Variants in DRICH1 observed in about 807,000 individuals in gnomAD.
The protein encoded by DRICH1 is aspartate rich 1, also known as aspartate-rich protein 1.
In DRICH1, 38 loss-of-function variants were observed where a neutral mutation model predicts 39.5. That is an observed-to-expected ratio of 0.96 (90% CI 0.74 to 1.26). The LOEUF is 1.26. Among genes scored for constraint, DRICH1 ranks in the 50% most tolerant of loss-of-function variants. The pLI, the probability that DRICH1 is intolerant of heterozygous loss-of-function variation, is 0.00. For missense variants in DRICH1, 279 were observed against 270.4 expected (o/e 1.03, Z -0.22); for synonymous variants, 84 against 99.5 (o/e 0.84, Z 0.93).
chr22:23,631,707 A>G (rs2330573), intron 1 of DRICH1, 109 bp downstream of exon 1: 564,990 of 925,746 alleles, frequency 0.61, 175,324 homozygotes, highest in African/African-American at 0.85. Context: ...CTGGCTATGG[A>G]CAGGAGGGAG....
chr22:23,584,500 C>A, the DRICH1 span, among the ~76,000 whole-genome samples: 1 of 152,190 alleles, frequency 6.6e-6, no homozygotes, highest in Non-Finnish European at 1.5e-5. Context: ...TCCTCAGGAA[C>A]CAGAAGTGAA....
At chr22:23,617,477 C>T in intron 7 of DRICH1, 98 bp downstream of exon 7, 1 of 1,386,698 alleles carries the variant, frequency 7.2e-7, no homozygotes. Flanking sequence ...TACTGTTTTT[C>T]AGCTGCCTGA....
chr22:23,615,136 G>A (rs886409477), intron 8 of DRICH1, among the ~76,000 whole-genome samples: 1 of 152,202 alleles, frequency 6.6e-6, no homozygotes, highest in Non-Finnish European at 1.5e-5. Context: ...CAGTTTGGGA[G>A]GCTGAGGTGG....
intron 9 of DRICH1, 78 bp downstream of exon 9, chr22:23,614,057 T>C (rs1927200305): frequency 4.9e-6 from 5 of 1,017,482 alleles, no homozygotes; most frequent in African/African-American, 1.6e-5. Flanking sequence ...TGCCAGATTT[T>C]CATATCAAAA....
chr22:23,601,644 T>G, the DRICH1 span, among the ~76,000 whole-genome samples: 3 of 152,200 alleles, frequency 2.0e-5, no homozygotes, highest in Non-Finnish European at 4.4e-5. Flanking sequence ...GCTGTATCAA[T>G]GTCAATCTCC....
intron 4 of DRICH1, 137 bp downstream of exon 4, chr22:23,621,954 A>G (rs983804885): frequency 2.4e-6 from 2 of 821,980 alleles, no homozygotes; most frequent in African/African-American, 3.4e-5. Flanking sequence ...AAGAAAAAAG[A>G]AACAAAGAAA....
chr22:23,626,113 T>C, intron 1 of DRICH1, 65 bp from the exon 2 acceptor site: 1 of 1,134,436 alleles, frequency 8.8e-7, no homozygotes, highest in Non-Finnish European at 1.3e-6. Context: ...CTCAGGGAGC[T>C]TTGCTGGATG....
At chr22:23,619,010 A>C (rs1297302101) in intron 6 of DRICH1, among the ~76,000 whole-genome samples, 2 of 152,010 alleles carry the variant, frequency 1.3e-5, no homozygotes, top group Non-Finnish European at 2.9e-5. Context: ...CGTCTCTACT[A>C]AATCTTCAAA....
chr22:23,582,033 G>A, the DRICH1 span, among the ~76,000 whole-genome samples: 12 of 150,746 alleles, frequency 8.0e-5, no homozygotes, highest in Admixed American at 7.9e-4. Flanking sequence ...AGGCTGGAGT[G>A]CAGTGGCGCA....
upstream of DRICH1, chr22:23,632,415 A>C (rs370268945): frequency 2.9e-5 from 8 of 274,146 alleles, no homozygotes; most frequent in East Asian, 9.5e-5. Context: ...AGTGACTCAC[A>C]ATGTCCAGCC....
the DRICH1 span, among the ~76,000 whole-genome samples, chr22:23,597,343 A>C: frequency 6.7e-6 from 1 of 148,522 alleles, no homozygotes; most frequent in Admixed American, 6.8e-5. Flanking sequence ...CAACACAACA[A>C]AACAAAATCT....
intron 6 of DRICH1, among the ~76,000 whole-genome samples, chr22:23,618,113 CT>C (rs368348650): frequency 5.1e-3 from 650 of 127,294 alleles, no homozygotes; most frequent in Non-Finnish European, 5.8e-3. Flanking sequence ...ATCACACATT[CT>C]TTTTTTTTTT....
the DRICH1 span, among the ~76,000 whole-genome samples, chr22:23,587,316 C>T: frequency 2.6e-5 from 4 of 152,174 alleles, no homozygotes; most frequent in Non-Finnish European, 5.9e-5. Context: ...CTGGCATAAC[C>T]GGGAATCTGG....
intron 11 of DRICH1, among the ~76,000 whole-genome samples, chr22:23,612,022 C>G (rs1041605707): frequency 4.6e-5 from 7 of 152,270 alleles, no homozygotes; most frequent in Admixed American, 4.6e-4. Flanking sequence ...TTGGTGTCAT[C>G]ATTTTGGAAA....
intron 11 of DRICH1, 33 bp downstream of exon 11, chr22:23,613,256 C>T: frequency 1.3e-6 from 2 of 1,584,620 alleles, no homozygotes; most frequent in Non-Finnish European, 8.7e-7. Context: ...GAACCTTTTC[C>T]CATTGGGTTT....
the DRICH1 span, among the ~76,000 whole-genome samples, chr22:23,585,915 T>G: frequency 6.6e-6 from 1 of 152,210 alleles, no homozygotes; most frequent in Admixed American, 6.5e-5. Context: ...TATGGAGACT[T>G]GTTTTGTAAC....
chr22:23,584,117 G>A, the DRICH1 span, among the ~76,000 whole-genome samples: 2 of 152,262 alleles, frequency 1.3e-5, no homozygotes, highest in East Asian at 1.9e-4. Context: ...GGGCTGGGCC[G>A]GGCCTCTCCA....
the DRICH1 span, among the ~76,000 whole-genome samples, chr22:23,596,408 T>C: frequency 7.2e-6 from 1 of 138,102 alleles, no homozygotes; most frequent in East Asian, 2.3e-4. Context: ...CACAGGTACA[T>C]GGCACCCCCG....
At chr22:23,605,807 T>A (rs1404745613), downstream of DRICH1, among the ~76,000 whole-genome samples, 1 of 152,068 alleles carries the variant, frequency 6.6e-6, no homozygotes, top group African/African-American at 2.4e-5. Flanking sequence ...CACAGGTTAA[T>A]TATGGGCTCA....
Sources: allele counts gnomAD v4.1 joint callset (sites outside exome capture counted in the v4.1 genomes callset), GRCh38; gene constraint gnomAD v4.1.1; transcripts MANE v1.5; gene names NCBI Gene and HGNC (gene_info 2026-07-23, HGNC 2026-07-21).